The following SGK2 variants were observed in gnomAD, a reference collection of about 807,000 sequenced individuals.
SGK2 encodes serine/threonine-protein kinase Sgk2.
Under a neutral mutation model 47.5 loss-of-function variants are expected in SGK2, and 36 were observed. The ratio of observed to expected loss-of-function variants is 0.76; its 90% CI spans 0.58 to 1.00. The LOEUF is 1.00. SGK2 is among the 50% of genes least tolerant of loss of function. The pLI is 0.00. For missense variants in SGK2, 404 were observed against 467.4 expected (o/e 0.86, Z 1.25); for synonymous variants, 157 against 181.9 (o/e 0.86, Z 1.10).
intron 3 of SGK2, 121 bp downstream of exon 3, chr20:43,567,238 C>A (rs1979788760): frequency 4.9e-6 from 4 of 819,080 alleles, no homozygotes; most frequent in South Asian, 4.4e-5. Context: ...CCATCTGGGC[C>A]CAGGACCTTT....
rs541284329 is a variant in SGK2 at position 43,572,327 on chromosome 20, C to G, written c.597+190C>G. On this transcript the variant is annotated intron_variant, in intron 9 of 12. Coordinates refer to ENST00000373100, the MANE Select transcript of SGK2 (RefSeq NM_170693.3). The surrounding 1 kb of genome is among the most constrained non-coding windows in gnomAD (Gnocchi z 4.2). ...GTACCAGCTCTAGGACTGCTGAGACCCAGCCAGCTAGCTGCTGGTGAAGCT... is the reference window on the plus strand; with the variant it reads ...GTACCAGCTCTAGGACTGCTGAGACGCAGCCAGCTAGCTGCTGGTGAAGCT... 5.2e-4 allele frequency among the ~76,000 whole-genome samples: 79 copies of G among 152,272 alleles called. No individual in the cohort carries two copies. The highest frequency in any genetic ancestry group is 6.8e-3 in the Middle Eastern group (2 of 294).
chr20:43,583,239 A>C (rs1308400287), intron 12 of SGK2: 2 of 1,289,728 alleles, frequency 1.6e-6, no homozygotes, highest in African/African-American at 1.5e-5. Context: ...TTAAAAAGAC[A>C]GTGAAGATAA....
intron 1 of SGK2, among the ~76,000 whole-genome samples, chr20:43,560,867 G>A (rs546249721): frequency 1.3e-5 from 2 of 152,328 alleles, no homozygotes; most frequent in South Asian, 2.1e-4. Flanking sequence ...GGATTCAATA[G>A]TTGAACAGGA....
chr20:43,584,066 G>A (rs367631276), intron 12 of SGK2, among the ~76,000 whole-genome samples: 4 of 152,086 alleles, frequency 2.6e-5, no homozygotes, highest in East Asian at 1.9e-4. Context: ...GTCAGCTAGC[G>A]GGACAGTTGG....
At chr20:43,560,461 T>A (rs985097309) in intron 1 of SGK2, among the ~76,000 whole-genome samples, 6 of 148,798 alleles carry the variant, frequency 4.0e-5, no homozygotes, top group African/African-American at 1.5e-4. Flanking sequence ...ATTGCGCCAC[T>A]GCACTCCAGC....
intron 8 of SGK2, 115 bp from the exon 9 acceptor site, chr20:43,571,936 G>A (rs1980162916): frequency 5.8e-6 from 4 of 684,090 alleles, no homozygotes; most frequent in Non-Finnish European, 1.0e-5. Flanking sequence ...CCTGTGCCTG[G>A]GCATCAGATC....
chr20:43,560,098 G>C (rs898435754), intron 1 of SGK2, among the ~76,000 whole-genome samples: 1 of 152,114 alleles, frequency 6.6e-6, no homozygotes, highest in African/African-American at 2.4e-5. Context: ...ATGGGGGAGG[G>C]TGTGATGGGC....
chr20:43,572,129 A>G lies in SGK2; in HGVS notation c.589A>G (p.Thr197Ala), dbSNP rs1467775669. The G allele has an allele frequency of 9.7e-6, 15 of 1,547,092 alleles. 1 individual carries two copies. In the South Asian group the frequency reaches 1.8e-4, roughly 18 times the overall value. ...PEDTTSTFCG[T>A]PEYLAPEVLR... ...AGACACCACATCCACATTCTGTGGT[A>G]CCCCTGAGGTAAGCGTAAACATCCC... is the stretch of plus-strand genomic sequence containing the variant. The change falls in exon 9 of 13, where the codon ACC becomes GCC. Residue 197 changes from threonine to alanine, a missense_variant. Thr to Ala is a moderately conservative substitution (Grantham distance 58). Transcript: ENST00000373100. This position sits in a 1 kb window ranked among gnomAD's most constrained non-coding sequence, Gnocchi z 4.2.
chr20:43,573,746 G>T (rs750909040), intron 9 of SGK2, among the ~76,000 whole-genome samples: 9 of 152,182 alleles, frequency 5.9e-5, no homozygotes, highest in Non-Finnish European at 1.0e-4. Flanking sequence ...ATGGTCGGAT[G>T]AACTCTCTGA....
intron 10 of SGK2, 48 bp downstream of exon 10, chr20:43,575,052 T>G (rs1457833057): frequency 7.7e-7 from 1 of 1,295,168 alleles, no homozygotes; most frequent in Admixed American, 1.8e-5. Context: ...TAGGGATGGG[T>G]CTGTCTCTCA....
Position 43,585,031 on chromosome 20 carries a change from TG to T in SGK2, c.*16del. 1 of 1,608,780 alleles carries T rather than the reference TG, an allele frequency of 6.2e-7. No homozygotes were observed. The highest frequency in any genetic ancestry group is 8.5e-7 in the Non-Finnish European group (1 of 1,176,382). ...TGGATTGCTAGAAGAGAAGGACCTG[TG>T]AAACTACTGAGGCCAGCTGGTATTA... On this transcript the variant is annotated 3_prime_UTR_variant, in exon 13 of 13. Coordinates refer to ENST00000373100, the MANE Select transcript of SGK2 (RefSeq NM_170693.3).
intron 5 of SGK2, 60 bp downstream of exon 5, chr20:43,568,059 G>T: frequency 6.9e-7 from 1 of 1,457,638 alleles, no homozygotes; most frequent in Non-Finnish European, 9.6e-7. Flanking sequence ...GCCTAGGGTG[G>T]CTTTCAAAGA....
chr20:43,575,591 C>T (rs898557626), intron 10 of SGK2, among the ~76,000 whole-genome samples: 14 of 151,954 alleles, frequency 9.2e-5, no homozygotes, highest in African/African-American at 2.4e-4. Context: ...GAAATTGAGA[C>T]CAAGAGAGAT....
At chr20:43,571,617 G>A (rs567015689) in intron 8 of SGK2, among the ~76,000 whole-genome samples, 2 of 152,120 alleles carry the variant, frequency 1.3e-5, no homozygotes, top group Admixed American at 6.6e-5. Flanking sequence ...CTTTGGGTGC[G>A]GGCAATGTTC....
intron 5 of SGK2, among the ~76,000 whole-genome samples, chr20:43,568,963 T>C (rs1158797912): frequency 5.3e-5 from 8 of 152,134 alleles, no homozygotes. Context: ...GCGGTGCAGC[T>C]GGCCTTGATG....
At chr20:43,579,796 G>A (rs1980676809) in intron 11 of SGK2, among the ~76,000 whole-genome samples, 176 bp from the exon 12 acceptor site, 1 of 152,228 alleles carries the variant, frequency 6.6e-6, no homozygotes, top group African/African-American at 2.4e-5. Flanking sequence ...GATTCTGGAT[G>A]ATGGGAGAGG....
In SGK2 at chr20:43,567,919, C is replaced by T. The variant is rs759278372; in HGVS notation, c.148C>T (p.Leu50=). The change falls in exon 5 of 13, where the codon CTA becomes TTA. Residue 50 remains leucine, a synonymous_variant. Coordinates refer to ENST00000373100, the MANE Select transcript of SGK2 (RefSeq NM_170693.3). The stretch of plus-strand genomic sequence containing the variant: ...TCAAATTCATGTTTCTTCTCAGGTC[C>T]TACTGGCCAAGCGCAAGTCTGATGG... ...VIGKGNYGKV[L]LAKRKSDGAF... is the part of the protein sequence containing the mutation. 3.7e-5 allele frequency: 59 copies of T among 1,613,916 alleles called. 1 individual carries two copies. Among genetic ancestry groups the T allele is most frequent in the Non-Finnish European group, 4.9e-5 (58 of 1,179,866 alleles).
At chr20:43,566,404 A>G (rs747419869) in intron 1 of SGK2, 69 bp from the exon 2 acceptor site, 1 of 1,614,132 alleles carries the variant, frequency 6.2e-7, no homozygotes, top group South Asian at 1.1e-5. Context: ...TGGTGCCTGA[A>G]GCCCTGGATG....
At chr20:43,575,694 C>G (rs990356271) in intron 10 of SGK2, among the ~76,000 whole-genome samples, 1 of 151,316 alleles carries the variant, frequency 6.6e-6, no homozygotes, top group African/African-American at 2.4e-5. Context: ...CTAGGCCATG[C>G]TTTGCTTTGA....
Sources: allele counts gnomAD v4.1 joint callset (sites outside exome capture counted in the v4.1 genomes callset), GRCh38; gene constraint gnomAD v4.1.1; non-coding constraint Gnocchi (gnomAD v3.1); transcripts MANE v1.5; gene names NCBI Gene and HGNC (gene_info 2026-07-23, HGNC 2026-07-21).